Variants in ADGRL1 observed in about 807,000 individuals in gnomAD.
The protein encoded by ADGRL1 is CIRL-1.
Under a neutral mutation model 148.9 loss-of-function variants are expected in ADGRL1, and 31 were observed. The observed-to-expected ratio is 0.21, with a 90% CI of 0.16 to 0.28. ADGRL1 has a LOEUF of 0.28. ADGRL1 is among the 10% of genes least tolerant of loss of function. ADGRL1 has a pLI of 1.00. For synonymous variants in ADGRL1, 937 were observed against 900.3 expected, an observed-to-expected ratio of 1.04 and a Z score of -0.73; for missense variants, 1,521 against 2,058.8, an observed-to-expected ratio of 0.74 and a Z score of 5.05.
At chr19:14,182,417 C>T (rs1181877874) in intron 2 of ADGRL1, among the ~76,000 whole-genome samples, 3 of 152,124 alleles carry the variant, frequency 2.0e-5, no homozygotes, top group South Asian at 2.1e-4. Flanking sequence ...TGGGGACCGT[C>T]GCTTGTAGGT....
Position 14,152,267 on chromosome 19 carries a change from C to T in ADGRL1, c.3649+42G>A, listed in dbSNP as rs1188997694. ...ATGCAGAGGTCCCTTGGGACACAAA[C>T]CCTCCATTTCCCAACCTGGGATGTT... On this transcript the variant is annotated intron_variant, in intron 21 of 22. Transcript: ENST00000361434. This position sits in a 1 kb window ranked among gnomAD's most constrained non-coding sequence, Gnocchi z 6.1. The T allele has an allele frequency of 6.2e-7, 1 of 1,609,080 alleles. No homozygotes were observed. The highest frequency in any genetic ancestry group is 2.2e-5 in the East Asian group (1 of 44,772).
intron 1 of ADGRL1, among the ~76,000 whole-genome samples, chr19:14,204,713 T>TGAGAGAGAGA (rs74181774): frequency 2.9e-4 from 41 of 142,996 alleles, no homozygotes; most frequent in African/African-American, 9.6e-4. Flanking sequence ...ACAGAGAGAG[T>TGAGAGAGAGA]GAGAGAGAGA....
At position 14,151,278 on chromosome 19, in the gene ADGRL1, C is replaced by T. The variant is rs1968155400; in HGVS notation, c.4005G>A (p.Leu1335=). ...RAEIELLYKA[L]EEPLLLPRAQ... ...CCCGGGGCAGCAGCAGAGGCTCCTC[C>T]AGGGCCTTATAGAGAAGTTCAATCT... is the stretch of plus-strand genomic sequence containing the variant. The change falls in exon 23 of 23, where the codon CTG becomes CTA. Residue 1335 remains leucine (L), a synonymous_variant. Transcript: ENST00000361434. 1.9e-6 allele frequency: 3 copies of T among 1,611,792 alleles called. No individual in the cohort carries two copies. Among genetic ancestry groups the T allele is most frequent in the Admixed American group, 1.7e-5 (1 of 59,968 alleles).
At position 14,155,670 on chromosome 19, in the gene ADGRL1, G is replaced by C. The variant is rs1186178207; in HGVS notation, c.3126-143C>G. 1 of 779,442 alleles carries C rather than the reference G, an allele frequency of 1.3e-6. No homozygotes were observed. Among genetic ancestry groups the C allele is most frequent in the African/African-American group, 1.8e-5 (1 of 57,104 alleles). 48.3% of individuals were successfully genotyped at this position (779,442 alleles called of 1,614,324 possible). ...CCCTGAGCGGGCCGAGTGGGCCTTG[G>C]GGGCAGTGGCCTGCCCAGGACACCT... On this transcript the variant is annotated intron_variant, in intron 17 of 22. Coordinates refer to ENST00000361434, the MANE Select transcript of ADGRL1 (RefSeq NM_014921.5). This position sits in a 1 kb window ranked among gnomAD's most constrained non-coding sequence, Gnocchi z 5.0.
chr19:14,177,459 G>T, intron 3 of ADGRL1, 72 bp downstream of exon 3: 1 of 1,352,212 alleles, frequency 7.4e-7, no homozygotes, highest in Non-Finnish European at 1.1e-6. Flanking sequence ...TAAGGTGAAC[G>T]GGTGTGCTGG....
chr19:14,189,214 CTT>C (rs869270152), intron 1 of ADGRL1, among the ~76,000 whole-genome samples: 293 of 136,396 alleles, frequency 2.1e-3, no homozygotes, highest in African/African-American at 7.2e-3. Flanking sequence ...GCTATGTGGC[CTT>C]TTTTTTTTTT....
intron 18 of ADGRL1, among the ~76,000 whole-genome samples, chr19:14,154,545 C>T (rs1272076756): frequency 2.6e-5 from 4 of 152,186 alleles, no homozygotes; most frequent in African/African-American, 4.8e-5. Flanking sequence ...CTGCCTCAGC[C>T]TCCCAAAGTG....
chr19:14,177,572 C>A lies in ADGRL1; in HGVS notation c.243G>T (p.Val81=). ...CDADPFQMEN[V]QCYLPDAFKI... ...TGAAGGCGTCCGGCAGGTAGCACTG[C>A]ACATTCTCCATCTGGAAAGGGTCAG... The change falls in exon 3 of 23, where the codon GTG becomes GTT. Residue 81 remains valine (V), a synonymous_variant. Coordinates refer to ENST00000361434, the MANE Select transcript of ADGRL1 (RefSeq NM_014921.5). The A allele has an allele frequency of 6.2e-7, 1 of 1,614,236 alleles. No homozygotes were observed. Among genetic ancestry groups the A allele is most frequent in the Non-Finnish European group, 8.5e-7 (1 of 1,180,046 alleles).
Position 14,159,022 on chromosome 19 carries a change from G to T in ADGRL1, c.2149+68C>A. On this transcript the variant is annotated intron_variant, in intron 11 of 22. Coordinates refer to ENST00000361434, the MANE Select transcript of ADGRL1 (RefSeq NM_014921.5). The surrounding 1 kb of genome is among the most constrained non-coding windows in gnomAD (Gnocchi z 6.0). ...TGCCCTCTACAAATGGCACAGAGAC[G>T]CTGGCACAGAGCTGGGGGGTGGGGG... The T allele has an allele frequency of 6.3e-7, 1 of 1,588,794 alleles. No homozygotes were observed. Among genetic ancestry groups the T allele is most frequent in the Non-Finnish European group, 8.6e-7 (1 of 1,163,712 alleles).
At position 14,159,516 on chromosome 19, in the gene ADGRL1, G is replaced by A. The variant is rs940296591; in HGVS notation, c.1908C>T (p.Ala636=). The change falls in exon 10 of 23, where the codon GCC becomes GCT. Residue 636 remains alanine (A), a synonymous_variant. Coordinates refer to ENST00000361434, the MANE Select transcript of ADGRL1 (RefSeq NM_014921.5). This position sits in a 1 kb window ranked among gnomAD's most constrained non-coding sequence, Gnocchi z 6.0. ...TGGTGGCCGTGTGCACCTGCTCCGTGGCATTCATGTCCTTCCAGGACTCCA... is the reference window on the plus strand; with the variant it reads ...TGGTGGCCGTGTGCACCTGCTCCGTAGCATTCATGTCCTTCCAGGACTCCA... ...EALESWKDMN[A]TEQVHTATML... The A allele has an allele frequency of 6.2e-7, 1 of 1,612,804 alleles. No homozygotes were observed. The highest frequency in any genetic ancestry group is 1.7e-5 in the Admixed American group (1 of 59,982).
intron 1 of ADGRL1, among the ~76,000 whole-genome samples, chr19:14,194,712 C>T (rs1044211161): frequency 6.6e-6 from 1 of 151,982 alleles, no homozygotes; most frequent in African/African-American, 2.4e-5. Context: ...CCCCCACCCC[C>T]GGGCCCACAC....
chr19:14,152,604 G>T lies in ADGRL1; in HGVS notation c.3433C>A (p.Arg1145=). The change falls in exon 20 of 23, where the codon CGG becomes AGG. Residue 1145 remains arginine (R), a synonymous_variant. Coordinates refer to ENST00000361434, the MANE Select transcript of ADGRL1 (RefSeq NM_014921.5). The surrounding 1 kb of genome is among the most constrained non-coding windows in gnomAD (Gnocchi z 6.1). ...RYYTGTQSRI[R]RMWNDTVRKQ... ...CTCACAGTGTCATTCCACATCCTCC[G>T]AATTCGGCTCTGGGAACACAACCCA... 6.2e-7 allele frequency: 1 copy of T among 1,613,902 alleles called. No homozygotes were observed. The highest frequency in any genetic ancestry group is 8.5e-7 in the Non-Finnish European group (1 of 1,179,896).
chr19:14,185,993 T>C (rs1971550114), intron 1 of ADGRL1, among the ~76,000 whole-genome samples: 1 of 152,242 alleles, frequency 6.6e-6, no homozygotes, highest in African/African-American at 2.4e-5. Context: ...GTGTATAGAA[T>C]GTCCTCTTCA....
At position 14,160,505 on chromosome 19, in the gene ADGRL1, G is replaced by A. The variant is rs1006964205; in HGVS notation, c.1614+88C>T. 2.0e-4 allele frequency: 207 copies of A among 1,057,328 alleles called. No individual in the cohort carries two copies. Among genetic ancestry groups the A allele is most frequent in the Middle Eastern group, 6.1e-4 (2 of 3,262 alleles). The allele number at this position is 1,057,328 out of a possible 1,614,324, so 65.5% of individuals were successfully genotyped here. A position where few individuals can be genotyped will look rare whatever the true frequency, so the allele number is the denominator to read the frequency against. Reference sequence around the variant, plus strand: ...CTGCCTTCCAGACCTGCCAGCCCATGTCTCCCCAGCTGCTCCACGACCCCC... The same window carrying A: ...CTGCCTTCCAGACCTGCCAGCCCATATCTCCCCAGCTGCTCCACGACCCCC... On this transcript the variant is annotated intron_variant, in intron 7 of 22. Transcript: ENST00000361434. The surrounding 1 kb of genome is among the most constrained non-coding windows in gnomAD (Gnocchi z 5.9).
chr19:14,203,782 C>T (rs898360664), intron 1 of ADGRL1, among the ~76,000 whole-genome samples: 2 of 151,976 alleles, frequency 1.3e-5, no homozygotes, highest in Non-Finnish European at 2.9e-5. Context: ...GCCAGCTACA[C>T]CCCCAAGAGC....
At chr19:14,165,383 C>T (rs931262551) in intron 4 of ADGRL1, among the ~76,000 whole-genome samples, 6 of 152,094 alleles carry the variant, frequency 3.9e-5, no homozygotes, top group Admixed American at 1.3e-4. Context: ...TCTGAGGGGA[C>T]GTGTTTGTGT....
chr19:14,177,382 G>C, intron 3 of ADGRL1, 149 bp downstream of exon 3: 1 of 722,588 alleles, frequency 1.4e-6, no homozygotes, highest in Non-Finnish European at 2.4e-6. Flanking sequence ...TCTTATTCTC[G>C]TCTGCATGGG....
At position 14,175,603 on chromosome 19, in the gene ADGRL1, TACAG is replaced by T. The variant is rs561020147; in HGVS notation, c.284+1924_284+1927del. 3.9e-3 allele frequency among the ~76,000 whole-genome samples: 595 copies of T among 151,796 alleles called. 2 individuals are homozygous for T. The highest frequency in any genetic ancestry group is 6.2e-3 in the Non-Finnish European group (419 of 67,932). ...AGATACACACTCCAATACACACTCATACAGACACACTCAGACACACTCAAAGACA... is the reference window on the plus strand; with the variant it reads ...AGATACACACTCCAATACACACTCATACACACTCAGACACACTCAAAGACA... On this transcript the variant is annotated intron_variant, in intron 3 of 22. Transcript: ENST00000361434.
Position 14,161,187 on chromosome 19 carries a change from G to T in ADGRL1, c.1510+125C>A. On this transcript the variant is annotated intron_variant, in intron 6 of 22. Coordinates refer to ENST00000361434, the MANE Select transcript of ADGRL1 (RefSeq NM_014921.5). This position sits in a 1 kb window ranked among gnomAD's most constrained non-coding sequence, Gnocchi z 4.4. Reference sequence around the variant, plus strand: ...GCCCTGAGAGCTCTGCTGGTCACTGGGGATGACCCCTGCCCTCAGAAAACC... The same window carrying T: ...GCCCTGAGAGCTCTGCTGGTCACTGTGGATGACCCCTGCCCTCAGAAAACC... 1.0e-6 allele frequency: 1 copy of T among 970,038 alleles called. No individual in the cohort carries two copies. The highest frequency in any genetic ancestry group is 1.4e-6 in the Non-Finnish European group (1 of 690,266). 60.1% of individuals were successfully genotyped at this position (970,038 alleles called of 1,614,324 possible).
Sources: gnomAD v4.1 joint callset for allele counts (sites outside exome capture counted in the v4.1 genomes callset) on GRCh38, gnomAD v4.1.1 for gene constraint, Gnocchi (gnomAD v3.1) non-coding constraint, MANE v1.5 for transcripts, NCBI Gene and HGNC (gene_info 2026-07-23, HGNC 2026-07-21) for gene names.